Variants in SOS2 observed in about 807,000 individuals in gnomAD.
The protein encoded by SOS2 is SOS Ras/Rho guanine nucleotide exchange factor 2, also known as son of sevenless homolog 2.
SOS2 carries 65 observed loss-of-function variants against 148.2 expected under a neutral mutation model. The ratio of observed to expected loss-of-function variants is 0.44; its 90% CI spans 0.36 to 0.54. The LOEUF (loss-of-function observed/expected upper bound fraction) is 0.54. Among genes scored for constraint, SOS2 ranks in the 20% least tolerant of loss-of-function variants. The probability of loss-of-function intolerance (pLI) is 0.00; values close to 1 mark genes in which losing one functional copy is unlikely to be tolerated. For synonymous variants in SOS2, 539 were observed against 537.1 expected, an observed-to-expected ratio of 1.00 and a Z score of -0.05; for missense variants, 1,341 against 1,590.2, an observed-to-expected ratio of 0.84 and a Z score of 2.67.
In SOS2 at chr14:50,227,418, A is replaced by ATT. The variant is rs544052469; in HGVS notation, c.87+3777_87+3778dup. On this transcript the variant is annotated intron_variant, in intron 1 of 22. Transcript: ENST00000216373. Reference sequence around the variant, plus strand: ...ACCACCACACTTGGCTAATTTTGGTATTTTTTTTTTTTGAGACAGAGTCTT... The same window carrying ATT: ...ACCACCACACTTGGCTAATTTTGGTATTTTTTTTTTTTTTGAGACAGAGTCTT... Among the ~76,000 whole-genome samples the ATT allele has an allele frequency of 1.6e-3, 191 of 119,260 alleles. 1 individual carries two copies. The highest frequency in any genetic ancestry group is 5.7e-3 in the African/African-American group (180 of 31,692). The allele number at this position is 119,260 out of a possible 152,430, so 78.2% of individuals were successfully genotyped here.
At chr14:50,200,489 C>CTGAGAA (rs1886453082) in intron 3 of SOS2, among the ~76,000 whole-genome samples, 1 of 152,168 alleles carries the variant, frequency 6.6e-6, no homozygotes, top group Admixed American at 6.6e-5. Flanking sequence ...CAACAAATGA[C>CTGAGAA]TGAGAATCAT....
chr14:50,173,289 A>G (rs1418531673), intron 8 of SOS2, among the ~76,000 whole-genome samples: 2 of 152,180 alleles, frequency 1.3e-5, no homozygotes, highest in Non-Finnish European at 2.9e-5. Flanking sequence ...AAGCCATAAT[A>G]ATTCTATGTA....
chr14:50,183,942 AC>A (rs1327121308), intron 5 of SOS2, among the ~76,000 whole-genome samples: 1 of 152,218 alleles, frequency 6.6e-6, no homozygotes, highest in Non-Finnish European at 1.5e-5. Flanking sequence ...ATGATATACT[AC>A]AACATTTAGG....
At chr14:50,130,423 G>T (rs1233618431) in intron 20 of SOS2, 78 bp downstream of exon 20, 8 of 1,209,114 alleles carry the variant, frequency 6.6e-6, no homozygotes, top group Non-Finnish European at 9.3e-6. Context: ...GGATTCTATA[G>T]TTCCCTAATT....
chr14:50,142,056 G>A (rs1017857575), intron 16 of SOS2, among the ~76,000 whole-genome samples: 2 of 149,532 alleles, frequency 1.3e-5, no homozygotes, highest in Non-Finnish European at 3.0e-5. Context: ...CGCACAGGCT[G>A]GAGTGCAGTG....
In SOS2 at chr14:50,117,941, A is replaced by T. The variant is rs1883343341; in HGVS notation, c.*403T>A. On this transcript the variant is annotated 3_prime_UTR_variant, in exon 23 of 23. Coordinates refer to ENST00000216373, the MANE Select transcript of SOS2 (RefSeq NM_006939.4). The stretch of plus-strand genomic sequence containing the variant: ...GGTCAAAGAGGTTTAAAAATCAGTA[A>T]CACCATATACCCCTCCCATATTTGT... 6.4e-6 allele frequency: 1 copy of T among 157,348 alleles called. No homozygotes were observed. 9.7% of individuals were successfully genotyped at this position (157,348 alleles called of 1,614,324 possible). A position where few individuals can be genotyped will look rare whatever the true frequency, so the allele number is the denominator to read the frequency against.
At chr14:50,178,744 A>AT (rs774367057) in intron 7 of SOS2, among the ~76,000 whole-genome samples, 2 of 140,356 alleles carry the variant, frequency 1.4e-5, no homozygotes, top group Non-Finnish European at 3.1e-5. Flanking sequence ...ATATATATAT[A>AT]TTTTTTGGAG....
intron 1 of SOS2, among the ~76,000 whole-genome samples, chr14:50,211,983 T>C (rs2139822264): frequency 6.6e-6 from 1 of 152,286 alleles, no homozygotes; most frequent in African/African-American, 2.4e-5. Context: ...AAAAATGCAG[T>C]AATAATGACA....
Position 50,150,129 on chromosome 14 carries a change from G to A in SOS2, c.2263C>T (p.Pro755Ser). The A allele has an allele frequency of 6.2e-7, 1 of 1,612,874 alleles. No individual in the cohort carries two copies. The highest frequency in any genetic ancestry group is 1.1e-5 in the South Asian group (1 of 91,060). ...GVSHNITFESPPPPIEWHISK... is the reference protein window; with the variant it reads ...GVSHNITFESSPPPIEWHISK... The stretch of plus-strand genomic sequence containing the variant: ...ATATGCCATTCAATTGGTGGAGGTG[G>A]ACTTTCAAAGGTAATATTATGGCTT... Residue 755 changes from proline (P) to serine (S), a missense_variant, in exon 14 of 23, where the codon CCA becomes TCA. By Grantham distance (74) the Pro-to-Ser change is moderately conservative (BLOSUM62 -1). Around this residue, in one of 4 missense-constraint regions of SOS2, gnomAD observed 408 missense variants for 506.6 expected, o/e 0.81. Transcript: ENST00000216373.
chr14:50,170,198 G>A lies in SOS2; in HGVS notation c.1068+4256C>T, dbSNP rs183935190. On this transcript the variant is annotated intron_variant, in intron 8 of 22. Transcript: ENST00000216373. ...CCTTCTCACCTTGGCCTCCCAAAGC[G>A]CTGAGATTATAAGCATGAGGCACCT... Among the ~76,000 whole-genome samples the A allele has an allele frequency of 1.3e-4, 19 of 151,228 alleles. No individual in the cohort carries two copies. In the South Asian group the frequency reaches 1.5e-3, roughly 12 times the overall value.
In SOS2 at chr14:50,118,567, G is replaced by T; in HGVS notation, c.3776C>A (p.Pro1259Gln). 6.2e-7 allele frequency: 1 copy of T among 1,614,122 alleles called. No individual in the cohort carries two copies. The highest frequency in any genetic ancestry group is 8.5e-7 in the Non-Finnish European group (1 of 1,180,036). The change falls in exon 23 of 23, where the codon CCA (proline) becomes CAA (glutamine). Residue 1259 changes from proline (P) to glutamine (Q), a missense_variant. Coordinates refer to ENST00000216373, the MANE Select transcript of SOS2 (RefSeq NM_006939.4). ...AGAGGGTGTGCTAGGAGGAGTGCTT[G>T]GCGAATTTGGACACGTACTAATGTC... is the stretch of plus-strand genomic sequence containing the variant. ...LRDISTCPNS[P>Q]STPPSTPSPR...
intron 4 of SOS2, among the ~76,000 whole-genome samples, chr14:50,193,647 A>G (rs556614370): frequency 6.6e-6 from 1 of 152,318 alleles, no homozygotes; most frequent in South Asian, 2.1e-4. Context: ...GAGCTCTTGA[A>G]CTAGTGATCT....
At chr14:50,204,733 T>C (rs1051789338) in intron 1 of SOS2, among the ~76,000 whole-genome samples, 3 of 152,122 alleles carry the variant, frequency 2.0e-5, no homozygotes, top group Non-Finnish European at 2.9e-5. Flanking sequence ...ATAAACCTAC[T>C]TGAAGTCTAC....
chr14:50,137,928 C>T (rs540095487), intron 18 of SOS2, among the ~76,000 whole-genome samples: 3 of 152,274 alleles, frequency 2.0e-5, no homozygotes, highest in East Asian at 3.9e-4. Context: ...CAGCCTCCAC[C>T]TCCTGGGTTC....
intron 21 of SOS2, among the ~76,000 whole-genome samples, chr14:50,128,623 G>A (rs897023701): frequency 6.6e-5 from 10 of 152,328 alleles, no homozygotes; most frequent in African/African-American, 2.4e-4. Flanking sequence ...TGACTCAAGA[G>A]AGACTACAAA....
At chr14:50,215,479 C>G (rs1195244787) in intron 1 of SOS2, 1 of 1,242,268 alleles carries the variant, frequency 8.0e-7, no homozygotes, top group Non-Finnish European at 1.0e-6. Context: ...ACCAATTTGC[C>G]TATCATATTT....
chr14:50,172,398 G>GTAGT (rs1285044923), intron 8 of SOS2, among the ~76,000 whole-genome samples: 2 of 81,156 alleles, frequency 2.5e-5, no homozygotes, highest in Non-Finnish European at 5.1e-5. Flanking sequence ...TCAGACATGG[G>GTAGT]TAGTTTCTCT....
At chr14:50,223,645 A>G (rs2139863190) in intron 1 of SOS2, among the ~76,000 whole-genome samples, 1 of 152,220 alleles carries the variant, frequency 6.6e-6, no homozygotes, top group African/African-American at 2.4e-5. Flanking sequence ...ACTACACCCC[A>G]GCCTGGCAAA....
intron 1 of SOS2, among the ~76,000 whole-genome samples, chr14:50,223,335 G>C (rs1404612812): frequency 6.6e-6 from 1 of 152,088 alleles, no homozygotes; most frequent in Non-Finnish European, 1.5e-5. Flanking sequence ...AGGAGTTGGA[G>C]ACCAGTTTAT....
Sources: gnomAD v4.1 joint callset for allele counts (sites outside exome capture counted in the v4.1 genomes callset) on GRCh38, gnomAD v4.1.1 for gene constraint, gnomAD v4.1.1 regional missense constraint, MANE v1.5 for transcripts, NCBI Gene and HGNC (gene_info 2026-07-23, HGNC 2026-07-21) for gene names.